The following ADTRP variants were observed in gnomAD, a reference collection of about 807,000 sequenced individuals.
The protein encoded by ADTRP is androgen-dependent TFPI-regulating protein.
In ADTRP, 20 loss-of-function variants were observed where a neutral mutation model predicts 27.0. The ratio of observed to expected loss-of-function variants is 0.74; its 90% CI spans 0.52 to 1.08. The LOEUF is 1.08. ADTRP is among the 50% of genes least tolerant of loss of function. ADTRP has a pLI of 0.00. For synonymous variants in ADTRP, 101 were observed against 105.2 expected, an observed-to-expected ratio of 0.96 and a Z score of 0.25; for missense variants, 251 against 275.0, an observed-to-expected ratio of 0.91 and a Z score of 0.62.
At chr6:11,739,248 G>A (rs867954111) in intron 3 of ADTRP, among the ~76,000 whole-genome samples, 1 of 152,110 alleles carries the variant, frequency 6.6e-6, no homozygotes, top group Non-Finnish European at 1.5e-5. Context: ...ATCTCAGAGG[G>A]GGTAAAATAT....
At chr6:11,728,485 A>C (rs764563863) in intron 4 of ADTRP, 1 of 152,234 alleles carries the variant, frequency 6.6e-6, no homozygotes, top group Non-Finnish European at 1.5e-5. Flanking sequence ...CCTGGAACCT[A>C]CTTCTCTTTG....
chr6:11,755,074 G>A (rs1763170124), intron 3 of ADTRP: 1 of 985,208 alleles, frequency 1.0e-6, no homozygotes, highest in Admixed American at 6.2e-5. Context: ...TCTTCCCGTT[G>A]GGGTGTTACA....
intron 1 of ADTRP, among the ~76,000 whole-genome samples, chr6:11,774,135 C>A (rs1251096348): frequency 7.4e-6 from 1 of 135,296 alleles, no homozygotes; most frequent in Non-Finnish European, 1.6e-5. Context: ...GGTGCAACCC[C>A]ATCTCTACTA....
At chr6:11,723,560 C>T in intron 4 of ADTRP, 60 bp from the exon 5 acceptor site, 1 of 1,592,804 alleles carries the variant, frequency 6.3e-7, no homozygotes, top group East Asian at 2.2e-5. Flanking sequence ...GCCATTTTCT[C>T]ATCAGGATTA....
chr6:11,735,833 G>A (rs547401073), intron 3 of ADTRP, 150 bp from the exon 4 acceptor site: 16 of 618,458 alleles, frequency 2.6e-5, no homozygotes, highest in African/African-American at 1.1e-4. Flanking sequence ...AGGACCTACC[G>A]TGGCTCCCTC....
At position 11,723,458 on chromosome 6, in the gene ADTRP, A is replaced by G. The variant is rs765148085; in HGVS notation, c.549T>C (p.Pro183=). The stretch of plus-strand genomic sequence containing the variant: ...CCAAGAGGCTGAGTTTGGCAAACAC[A>G]GGATACACCCAGGTACCCGTCTCAA... ...LYFETGTWVY[P]VFAKLSLLGL... The change falls in exon 5 of 6, where the codon CCT becomes CCC. Residue 183 remains proline (P), a synonymous_variant. Coordinates refer to ENST00000414691, the MANE Select transcript of ADTRP (RefSeq NM_032744.4). The G allele has an allele frequency of 6.2e-7, 1 of 1,614,074 alleles. No individual in the cohort carries two copies. The highest frequency in any genetic ancestry group is 8.5e-7 in the Non-Finnish European group (1 of 1,180,042).
intron 3 of ADTRP, among the ~76,000 whole-genome samples, chr6:11,757,393 A>C (rs1763247519): frequency 6.6e-6 from 1 of 152,212 alleles, no homozygotes; most frequent in Non-Finnish European, 1.5e-5. Flanking sequence ...CAAAATCCTT[A>C]GCATTCATGC....
chr6:11,758,598 T>C (rs1763298803), intron 3 of ADTRP, among the ~76,000 whole-genome samples: 1 of 131,470 alleles, frequency 7.6e-6, no homozygotes, highest in Non-Finnish European at 1.6e-5. Flanking sequence ...CGGATAGCAT[T>C]AGGAGGTATA....
At chr6:11,778,293 G>A (rs1161741678) in intron 1 of ADTRP, among the ~76,000 whole-genome samples, 1 of 152,166 alleles carries the variant, frequency 6.6e-6, no homozygotes, top group African/African-American at 2.4e-5. Context: ...TGCATTTGTA[G>A]TTAATCCCAT....
intron 1 of ADTRP, 29 bp downstream of exon 1, chr6:11,778,578 C>T (rs766341300): frequency 3.1e-6 from 5 of 1,600,986 alleles, no homozygotes; most frequent in Admixed American, 1.7e-5. Context: ...AGAAATGGAT[C>T]GGTTCCTGGT....
intron 5 of ADTRP, among the ~76,000 whole-genome samples, chr6:11,716,336 G>C (rs1761822865): frequency 6.6e-6 from 1 of 152,158 alleles, no homozygotes; most frequent in Non-Finnish European, 1.5e-5. Flanking sequence ...GAACACGAAG[G>C]TTTGGAGAAA....
At chr6:11,730,286 G>A (rs1195937658) in intron 4 of ADTRP, among the ~76,000 whole-genome samples, 6 of 152,156 alleles carry the variant, frequency 3.9e-5, no homozygotes, top group African/African-American at 1.4e-4. Context: ...GGAAAATGGT[G>A]CTGAGATTCC....
At chr6:11,718,368 T>G (rs150873066) in intron 5 of ADTRP, among the ~76,000 whole-genome samples, 1 of 152,346 alleles carries the variant, frequency 6.6e-6, no homozygotes, top group East Asian at 1.9e-4. Flanking sequence ...GTGCCCCATA[T>G]CTCTTGTGGG....
chr6:11,738,932 C>G (rs1762626704), intron 3 of ADTRP, among the ~76,000 whole-genome samples: 1 of 152,018 alleles, frequency 6.6e-6, no homozygotes, highest in South Asian at 2.1e-4. Flanking sequence ...TATTGAGCGG[C>G]AGTGAAGAGC....
At chr6:11,728,004 AG>A (rs1186739453) in intron 4 of ADTRP, among the ~76,000 whole-genome samples, 1 of 126,488 alleles carries the variant, frequency 7.9e-6, no homozygotes, top group Non-Finnish European at 1.7e-5. Flanking sequence ...GGAGGGAGGG[AG>A]GGAACTTTGC....
chr6:11,740,289 G>A (rs9469963), intron 3 of ADTRP, among the ~76,000 whole-genome samples: 11,876 of 152,100 alleles, frequency 0.078, 690 homozygotes, highest in African/African-American at 0.15. Context: ...TGGTACTTAC[G>A]GATAAATATT....
intron 3 of ADTRP, among the ~76,000 whole-genome samples, chr6:11,742,190 G>C (rs1392345668): frequency 2.0e-5 from 3 of 152,072 alleles, no homozygotes; most frequent in African/African-American, 4.8e-5. Flanking sequence ...TATTGCCTCT[G>C]TCCACTATCT....
intron 1 of ADTRP, 91 bp downstream of exon 1, chr6:11,778,516 G>C: frequency 7.1e-7 from 1 of 1,416,054 alleles, no homozygotes; most frequent in South Asian, 1.6e-5. Context: ...TAACAAAATT[G>C]TGTATTTAAT....
At chr6:11,751,844 TC>T (rs1023515345) in intron 3 of ADTRP, among the ~76,000 whole-genome samples, 1 of 152,252 alleles carries the variant, frequency 6.6e-6, no homozygotes, top group Non-Finnish European at 1.5e-5. Context: ...GACAGTTTTT[TC>T]CTTCAACACT....
Sources: gnomAD v4.1 joint callset for allele counts (sites outside exome capture counted in the v4.1 genomes callset) on GRCh38, gnomAD v4.1.1 for gene constraint, MANE v1.5 for transcripts, NCBI Gene and HGNC (gene_info 2026-07-23, HGNC 2026-07-21) for gene names.